Variants in LSAMP observed in about 807,000 individuals in gnomAD.
The protein encoded by LSAMP is limbic system associated membrane protein.
Under a neutral mutation model 38.6 loss-of-function variants are expected in LSAMP, and 7 were observed. The ratio of observed to expected loss-of-function variants is 0.18; its 90% confidence interval spans 0.10 to 0.34. The LOEUF (loss-of-function observed/expected upper bound fraction) is 0.34, where lower values mean the gene tolerates loss of function less well. Ranked by LOEUF, LSAMP falls within the 10% of genes least tolerant of loss-of-function variation. The pLI is 1.00. For synonymous variants in LSAMP, 154 were observed against 166.8 expected, an observed-to-expected ratio of 0.92 and a Z score of 0.59; for missense variants, 313 against 420.0, an observed-to-expected ratio of 0.75 and a Z score of 2.23.
At chr3:115,948,959 C>T (rs779813613) in intron 3 of LSAMP, among the ~76,000 whole-genome samples, 5 of 152,078 alleles carry the variant, frequency 3.3e-5, no homozygotes, top group Non-Finnish European at 7.4e-5. Flanking sequence ...ATGGTAAAAC[C>T]CCATCTCTAC....
chr3:116,120,132 A>T (rs1415060472), intron 1 of LSAMP, among the ~76,000 whole-genome samples: 1 of 152,178 alleles, frequency 6.6e-6, no homozygotes, highest in Non-Finnish European at 1.5e-5. Context: ...AACTTTTTCA[A>T]GGAGCTCACG....
rs2046629675 is a variant in LSAMP at position 116,248,331 on chromosome 3, T to C, written c.156-161775A>G. Among the ~76,000 whole-genome samples, 4 of 152,126 alleles carry C rather than the reference T, an allele frequency of 2.6e-5. 1 individual carries two copies. Among genetic ancestry groups the C allele is most frequent in the Admixed American group, 2.6e-4 (4 of 15,272 alleles). The stretch of plus-strand genomic sequence containing the variant: ...GAAAGGGAATTTTAGGTAGCTATCA[T>C]ATCTAAGCAAGAACTTTGGGGCAAA... On this transcript the variant is annotated intron_variant, in intron 1 of 6. Transcript: ENST00000490035.
rs150300948 is a variant in LSAMP, at chr3:115,873,781, C to T, written c.515-21164G>A. 1.1e-3 allele frequency among the ~76,000 whole-genome samples: 170 copies of T among 152,202 alleles called. 2 individuals carry two copies. The highest frequency in any genetic ancestry group is 3.9e-3 in the African/African-American group (164 of 41,542). On this transcript the variant is annotated intron_variant, in intron 3 of 6. Coordinates refer to ENST00000490035, the MANE Select transcript of LSAMP (RefSeq NM_002338.5). Reference sequence around the variant, plus strand: ...AGAAGTTCAAAAGAGATAATACATGCAAATTACCAGGTATCACATCTGTAA... The same window carrying T: ...AGAAGTTCAAAAGAGATAATACATGTAAATTACCAGGTATCACATCTGTAA...
chr3:115,883,852 A>G (rs565586062), intron 3 of LSAMP, among the ~76,000 whole-genome samples: 17 of 152,204 alleles, frequency 1.1e-4, no homozygotes, highest in African/African-American at 3.9e-4. Flanking sequence ...TTATCTTATG[A>G]GGGGACACAG....
intron 2 of LSAMP, among the ~76,000 whole-genome samples, chr3:116,083,047 G>C (rs1407375344): frequency 6.6e-6 from 1 of 152,080 alleles, no homozygotes; most frequent in Non-Finnish European, 1.5e-5. Flanking sequence ...AAGCTCTCTA[G>C]AATCCTAAGG....
chr3:115,911,661 G>A (rs1241690824), intron 3 of LSAMP, among the ~76,000 whole-genome samples: 1 of 152,180 alleles, frequency 6.6e-6, no homozygotes, highest in African/African-American at 2.4e-5. Context: ...GGGTTTTTGT[G>A]TGACCATAAC....
intron 1 of LSAMP, among the ~76,000 whole-genome samples, chr3:116,248,652 G>A (rs562018866): frequency 4.6e-5 from 7 of 152,114 alleles, no homozygotes; most frequent in East Asian, 1.9e-4. Context: ...CAGGGCCAAC[G>A]TGCTTAATTT....
At chr3:116,252,080 C>G (rs1166501095) in intron 1 of LSAMP, among the ~76,000 whole-genome samples, 1 of 152,182 alleles carries the variant, frequency 6.6e-6, no homozygotes, top group African/African-American at 2.4e-5. Flanking sequence ...CGTCTCTGCT[C>G]CTCTCACTGT....
chr3:116,366,252 C>A (rs146900322), intron 1 of LSAMP, among the ~76,000 whole-genome samples: 1 of 151,926 alleles, frequency 6.6e-6, no homozygotes, highest in Non-Finnish European at 1.5e-5. Context: ...ATGTGGCCAA[C>A]AAACATAGGA....
chr3:116,291,026 T>G (rs2047260486), intron 1 of LSAMP, among the ~76,000 whole-genome samples: 1 of 152,142 alleles, frequency 6.6e-6, no homozygotes, highest in African/African-American at 2.4e-5. Context: ...AACAAGAAAC[T>G]GTTAATCTTC....
At chr3:115,896,282 G>C (rs1936726843) in intron 3 of LSAMP, among the ~76,000 whole-genome samples, 2 of 152,066 alleles carry the variant, frequency 1.3e-5, no homozygotes. Context: ...GGGTTTATGT[G>C]AACAAAGTAC....
At chr3:116,192,483 G>A (rs957698494) in intron 1 of LSAMP, among the ~76,000 whole-genome samples, 4 of 151,938 alleles carry the variant, frequency 2.6e-5, no homozygotes, top group Non-Finnish European at 4.4e-5. Context: ...TGTCTCTTTC[G>A]TTTTTCTTCT....
intron 1 of LSAMP, among the ~76,000 whole-genome samples, chr3:116,166,152 G>A (rs1449332739): frequency 1.3e-5 from 2 of 152,172 alleles, no homozygotes; most frequent in Non-Finnish European, 2.9e-5. Context: ...AATGATTGAT[G>A]TAGTAGTAAA....
At chr3:116,328,105 T>C (rs1029962282) in intron 1 of LSAMP, among the ~76,000 whole-genome samples, 1 of 152,176 alleles carries the variant, frequency 6.6e-6, no homozygotes, top group Admixed American at 6.6e-5. Context: ...TCTCTACCCT[T>C]GTCCTTCTTT....
At chr3:116,429,706 G>A (rs1442967858) in intron 1 of LSAMP, among the ~76,000 whole-genome samples, 2 of 152,162 alleles carry the variant, frequency 1.3e-5, no homozygotes, top group Non-Finnish European at 2.9e-5. Context: ...TTCCGGCAGG[G>A]TTCAGAGGGA....
intron 1 of LSAMP, among the ~76,000 whole-genome samples, chr3:116,248,705 C>G (rs2046635797): frequency 6.6e-6 from 1 of 152,098 alleles, no homozygotes; most frequent in Admixed American, 6.5e-5. Flanking sequence ...CATCTCTCCC[C>G]TTTCCTTCCC....
chr3:116,212,994 A>G (rs2046178363), intron 1 of LSAMP, among the ~76,000 whole-genome samples: 1 of 152,224 alleles, frequency 6.6e-6, no homozygotes, highest in African/African-American at 2.4e-5. Context: ...AGATTTTGCA[A>G]TGGGTCACTT....
chr3:116,365,738 T>C (rs2048342039), intron 1 of LSAMP, among the ~76,000 whole-genome samples: 2 of 102,490 alleles, frequency 2.0e-5, no homozygotes, highest in South Asian at 3.3e-4. Context: ...TTGGAAACCA[T>C]CATTCTCAGT....
intron 2 of LSAMP, among the ~76,000 whole-genome samples, chr3:116,049,676 T>C (rs1294675073): frequency 1.3e-5 from 2 of 152,258 alleles, no homozygotes; most frequent in Non-Finnish European, 2.9e-5. Flanking sequence ...TTAAACATTT[T>C]TTTCTGAAGG....
Sources: allele counts gnomAD v4.1 joint callset (sites outside exome capture counted in the v4.1 genomes callset), GRCh38; gene constraint gnomAD v4.1.1; transcripts MANE v1.5; gene names NCBI Gene and HGNC (gene_info 2026-07-23, HGNC 2026-07-21).